The following DDB1 variants were observed in gnomAD, a reference collection of about 807,000 sequenced individuals.
DDB1 encodes the protein DNA damage-binding protein 1.
Under a neutral mutation model 133.1 loss-of-function variants are expected in DDB1, and 18 were observed. The ratio of observed to expected loss-of-function variants is 0.14; its 90% CI spans 0.09 to 0.20. The LOEUF (loss-of-function observed/expected upper bound fraction) is 0.20. DDB1 is among the 10% of genes least tolerant of loss of function. DDB1 has a pLI of 1.00. For synonymous variants in DDB1, 580 were observed against 550.5 expected (o/e 1.05, Z -0.75); for missense variants, 828 against 1,459.2 (o/e 0.57, Z 7.05).
intron 25 of DDB1, chr11:61,301,408 A>G (rs765655219): frequency 3.3e-5 from 5 of 153,368 alleles, no homozygotes; most frequent in Non-Finnish European, 7.3e-5. Context: ...ACAAAAAACA[A>G]AATTTTTTTT....
chr11:61,316,702 G>A, intron 10 of DDB1, 135 bp from the exon 11 acceptor site: 2 of 918,380 alleles, frequency 2.2e-6, no homozygotes, highest in South Asian at 2.8e-5. Context: ...CAGGAGGACT[G>A]CTTGGAACCA....
At chr11:61,332,190 C>T in intron 1 of DDB1, 8 of 156,490 alleles carry the variant, frequency 5.1e-5, no homozygotes, top group South Asian at 3.8e-4. Context: ...TACCTCCATC[C>T]ACACTCAGCT....
At chr11:61,318,374 A>C (rs1590692444) in intron 10 of DDB1, among the ~76,000 whole-genome samples, 2 of 152,196 alleles carry the variant, frequency 1.3e-5, no homozygotes, top group South Asian at 4.1e-4. Flanking sequence ...GCTGTCTTTG[A>C]TATTGCCCAA....
At position 61,301,000 on chromosome 11, in the gene DDB1, A is replaced by G. The variant is rs1039971061; in HGVS notation, c.3216-68T>C. 122 of 1,597,970 alleles carry G rather than the reference A, an allele frequency of 7.6e-5. No individual in the cohort carries two copies. In the African/African-American group the frequency reaches 1.2e-3, roughly 16 times the overall value. ...CCTCCTCAGTCATCCCCACCTTTGA[A>G]TAAGACCACAATCTAAAGCAATCAT... is the stretch of plus-strand genomic sequence containing the variant. On this transcript the variant is annotated intron_variant, in intron 25 of 26. Coordinates refer to ENST00000301764, the MANE Select transcript of DDB1 (RefSeq NM_001923.5).
At position 61,307,800 on chromosome 11, in the gene DDB1, T is replaced by A. The variant is rs566166256; in HGVS notation, c.2661+1183A>T. 4.9e-5 allele frequency among the ~76,000 whole-genome samples: 7 copies of A among 143,264 alleles called. No homozygotes were observed. In the East Asian group the frequency reaches 7.7e-4, roughly 16 times the overall value. 94.0% of individuals were successfully genotyped at this position (143,264 alleles called of 152,430 possible). ...CTGCACTATCTTTCCCATCAGTAAA[T>A]GGCAAAGCCAAAACCCGACCCTTTA... On this transcript the variant is annotated intron_variant, in intron 21 of 26. Transcript: ENST00000301764.
rs111885835 is a variant in DDB1 at position 61,311,321 on chromosome 11, CACATA to C, written c.2277+458_2277+462del. 720 of 128,474 alleles carry C rather than the reference CACATA, an allele frequency of 5.6e-3. 9 individuals are homozygous for C. The highest frequency in any genetic ancestry group is 0.022 in the African/African-American group (513 of 23,316). The allele number at this position is 128,474 out of a possible 1,614,324, so 8.0% of individuals were successfully genotyped here. A position where few individuals can be genotyped will look rare whatever the true frequency, so the allele number is the denominator to read the frequency against. On this transcript the variant is annotated intron_variant, in intron 18 of 26. Transcript: ENST00000301764. ...CATAACATAACATAACATAACATAA[CACATA>C]ACATAACATAACATAACAAACATAA...
rs201453079 is a variant in DDB1, at chr11:61,323,139, C to A, written c.922-45G>T. ...GTGAAAGAAATGAGAATGGACCCTA[C>A]GTGGGATCCAGATACTACCCACATC... is the stretch of plus-strand genomic sequence containing the variant. On this transcript the variant is annotated intron_variant, in intron 7 of 26. Transcript: ENST00000301764. The A allele has an allele frequency of 2.6e-6, 4 of 1,519,998 alleles. No individual in the cohort carries two copies. In the African/African-American group the frequency reaches 4.1e-5, roughly 16 times the overall value. The allele number at this position is 1,519,998 out of a possible 1,614,324, so 94.2% of individuals were successfully genotyped here. A position where few individuals can be genotyped will look rare whatever the true frequency, so the allele number is the denominator to read the frequency against.
chr11:61,330,366 CCATT>C (rs1220611193), intron 2 of DDB1, among the ~76,000 whole-genome samples: 1 of 152,096 alleles, frequency 6.6e-6, no homozygotes, highest in Non-Finnish European at 1.5e-5. Flanking sequence ...CTCAATCATC[CCATT>C]CAAATTCTGA....
At chr11:61,322,574 T>A (rs1199139513) in intron 8 of DDB1, 162 bp from the exon 9 acceptor site, 1 of 628,030 alleles carries the variant, frequency 1.6e-6, no homozygotes, top group African/African-American at 1.8e-5. Flanking sequence ...GACGAAAGAA[T>A]ATGGTTGTCC....
rs145521710 is a variant in DDB1 at position 61,315,331 on chromosome 11, C to T, written c.1411-845G>A. 3 of 152,286 alleles carry T rather than the reference C, an allele frequency of 2.0e-5. 1 individual carries two copies. Among genetic ancestry groups the T allele is most frequent in the East Asian group, 3.9e-4 (2 of 5,184 alleles). 9.4% of individuals were successfully genotyped at this position (152,286 alleles called of 1,614,324 possible). A position where few individuals can be genotyped will look rare whatever the true frequency, so the allele number is the denominator to read the frequency against. On this transcript the variant is annotated intron_variant, in intron 12 of 26. Coordinates refer to ENST00000301764, the MANE Select transcript of DDB1 (RefSeq NM_001923.5). ...CACTGTTATCTATTCATTCATCTTA[C>T]CTAGCACAATTGAGTTTATATATAA... is the stretch of plus-strand genomic sequence containing the variant.
Position 61,322,021 on chromosome 11 carries a change from T to C in DDB1, c.1122+275A>G, listed in dbSNP as rs1856188257. ...TTAAGTTAGGTGACTTTGGAAAAAG[T>C]TACTTAATCTTTCTCAGCCCTAATT... On this transcript the variant is annotated intron_variant, in intron 9 of 26. Transcript: ENST00000301764. The C allele has an allele frequency of 7.4e-6, 4 of 538,716 alleles. No homozygotes were observed. In the East Asian group the frequency reaches 1.2e-4, roughly 16 times the overall value. The allele number at this position is 538,716 out of a possible 1,614,324, so 33.4% of individuals were successfully genotyped here. A position where few individuals can be genotyped will look rare whatever the true frequency, so the allele number is the denominator to read the frequency against.
chr11:61,300,743 G>A, intron 26 of DDB1, 66 bp downstream of exon 26: 1 of 1,595,140 alleles, frequency 6.3e-7, no homozygotes, highest in Non-Finnish European at 8.6e-7. Context: ...CCCAGAGACA[G>A]TCTCCTGGCA....
intron 16 of DDB1, among the ~76,000 whole-genome samples, chr11:61,312,796 G>A (rs1421936504): frequency 1.3e-5 from 2 of 151,370 alleles, no homozygotes; most frequent in Admixed American, 6.6e-5. Flanking sequence ...ATGGGGTTTC[G>A]CCATGTCGGC....
chr11:61,307,597 C>G lies in DDB1; in HGVS notation c.2661+1386G>C, dbSNP rs143646777. On this transcript the variant is annotated intron_variant, in intron 21 of 26. Transcript: ENST00000301764. Reference sequence around the variant, plus strand: ...ATCCTGTCTCTATGGGCTCTCAGCACATGGGTGGTCTTAGGTGATGTCATC... The same window carrying G: ...ATCCTGTCTCTATGGGCTCTCAGCAGATGGGTGGTCTTAGGTGATGTCATC... Among the ~76,000 whole-genome samples the G allele has an allele frequency of 1.5e-3, 224 of 152,372 alleles. 1 individual carries two copies. The highest frequency in any genetic ancestry group is 0.01 in the Middle Eastern group (3 of 294).
In DDB1 at chr11:61,324,041, T is replaced by C. The variant is rs1856229354; in HGVS notation, c.859A>G (p.Lys287Glu). Residue 287 changes from lysine (K) to glutamate (E), a missense_variant, in exon 7 of 27, where the codon AAG becomes GAG. Around this residue, in one of 7 missense-constraint regions of DDB1, gnomAD observed 35 missense variants for 57.5 expected, o/e 0.61. Coordinates refer to ENST00000301764, the MANE Select transcript of DDB1 (RefSeq NM_001923.5). ...ACGGTGCCATCCATCTGTTCCTCCT[T>C]CTCCAAAAGCAGCATGAAGAGCCGG... ...EGRLFMLLLEKEEQMDGTVTL... is the reference protein window; with the variant it reads ...EGRLFMLLLEEEEQMDGTVTL... 6.2e-7 allele frequency: 1 copy of C among 1,614,144 alleles called. No homozygotes were observed. The highest frequency in any genetic ancestry group is 8.5e-7 in the Non-Finnish European group (1 of 1,180,034).
intron 18 of DDB1, chr11:61,311,318 T>TAACACAACAC: frequency 8.1e-6 from 1 of 123,460 alleles, no homozygotes; most frequent in East Asian, 2.1e-4. Context: ...TAACATAACA[T>TAACACAACAC]AACACATAAC....
At chr11:61,309,764 T>C in intron 20 of DDB1, 32 bp downstream of exon 20, 3 of 1,598,336 alleles carry the variant, frequency 1.9e-6, no homozygotes, top group South Asian at 2.2e-5. Context: ...GCATTTCACA[T>C]CCCTCAGAAA....
chr11:61,332,708 A>G, intron 1 of DDB1, 200 bp downstream of exon 1: 1 of 440,532 alleles, frequency 2.3e-6, no homozygotes, highest in Non-Finnish European at 4.0e-6. Context: ...GACCCTCGAG[A>G]GCGGCTTCCA....
intron 18 of DDB1, chr11:61,311,454 A>AG (rs1198464436): frequency 3.9e-6 from 1 of 255,108 alleles, no homozygotes; most frequent in Non-Finnish European, 7.3e-6. Flanking sequence ...TAAAAAAAAA[A>AG]CAAACAAACA....
Sources: gnomAD v4.1 joint callset for allele counts (sites outside exome capture counted in the v4.1 genomes callset) on GRCh38, gnomAD v4.1.1 for gene constraint, gnomAD v4.1.1 regional missense constraint, MANE v1.5 for transcripts, NCBI Gene and HGNC (gene_info 2026-07-23, HGNC 2026-07-21) for gene names.